ERC1: variants seen among roughly 807,000 people sequenced by gnomAD.
ERC1 encodes ELKS/RAB6-interacting/CAST family member 1, also known as RAB6 interacting protein 2.
Under a neutral mutation model 132.0 loss-of-function variants are expected in ERC1, and 56 were observed. That is an observed-to-expected ratio of 0.42 (90% CI 0.34 to 0.53). The LOEUF is 0.53. ERC1 is among the 20% of genes least tolerant of loss of function. ERC1 has a pLI of 0.03. For missense variants in ERC1, 1,202 were observed against 1,349.9 expected, an observed-to-expected ratio of 0.89 and a Z score of 1.72; for synonymous variants, 478 against 476.1, an observed-to-expected ratio of 1.00 and a Z score of -0.05.
At chr12:1,295,160 A>G (rs1216734481) in intron 15 of ERC1, among the ~76,000 whole-genome samples, 1 of 152,238 alleles carries the variant, frequency 6.6e-6, no homozygotes, top group Non-Finnish European at 1.5e-5. Context: ...CTTGCAAAGC[A>G]TGACATTTAC....
At chr12:1,418,581 CTTTCTTTCTCTTTCTTTCTTTCTTTCTT>C (rs1393099612) in intron 17 of ERC1, among the ~76,000 whole-genome samples, 1 of 102,336 alleles carries the variant, frequency 9.8e-6, no homozygotes, top group South Asian at 2.7e-4. Flanking sequence ...TTCTTTCTTT[CTTTCTTTCTCTTTCTTTCTTTCTTTCTT>C]TCTTTCTTTC....
intron 15 of ERC1, among the ~76,000 whole-genome samples, chr12:1,349,439 A>C (rs1465981340): frequency 1.3e-5 from 2 of 152,154 alleles, no homozygotes; most frequent in Non-Finnish European, 2.9e-5. Flanking sequence ...CGAGGCGGGC[A>C]GATCATGAGA....
At chr12:1,450,269 G>A (rs552970202) in intron 18 of ERC1, among the ~76,000 whole-genome samples, 18 of 152,112 alleles carry the variant, frequency 1.2e-4, no homozygotes, top group Non-Finnish European at 2.1e-4. Flanking sequence ...ATCTATCTCT[G>A]TAGCTCTTTT....
intron 4 of ERC1, among the ~76,000 whole-genome samples, chr12:1,106,822 C>T (rs1945317426): frequency 6.6e-6 from 1 of 152,148 alleles, no homozygotes; most frequent in Admixed American, 6.5e-5. Flanking sequence ...AATAGTATTA[C>T]TTGGTGGCAA....
intron 17 of ERC1, among the ~76,000 whole-genome samples, chr12:1,433,978 CAAAAAAAAA>C (rs763612916): frequency 4.3e-5 from 2 of 46,312 alleles, no homozygotes; most frequent in South Asian, 1.6e-3. Context: ...GACCCTGTCT[CAAAAAAAAA>C]AAAAAAAAAA....
intron 16 of ERC1, among the ~76,000 whole-genome samples, chr12:1,381,932 G>C (rs763964064): frequency 1.4e-5 from 2 of 146,614 alleles, no homozygotes; most frequent in Non-Finnish European, 1.5e-5. Flanking sequence ...GGAGCAGAGA[G>C]AAAGAGAAAG....
intron 15 of ERC1, among the ~76,000 whole-genome samples, chr12:1,292,706 T>A (rs2079539743): frequency 1.3e-5 from 2 of 152,146 alleles, no homozygotes; most frequent in South Asian, 4.1e-4. Flanking sequence ...AGAGTACAAT[T>A]GTGATTAAGA....
At chr12:1,101,154 A>C (rs1198678501) in intron 3 of ERC1, among the ~76,000 whole-genome samples, 1 of 152,136 alleles carries the variant, frequency 6.6e-6, no homozygotes, top group African/African-American at 2.4e-5. Flanking sequence ...TATTTTTCCT[A>C]TTAAAGCTTC....
chr12:1,487,732 A>G, intron 18 of ERC1, among the ~76,000 whole-genome samples: 1 of 144,786 alleles, frequency 6.9e-6, no homozygotes, highest in Non-Finnish European at 1.5e-5. Flanking sequence ...TAATAGAAAG[A>G]GAGAGAGAGG....
chr12:1,317,130 C>T (rs1327920570), intron 15 of ERC1, among the ~76,000 whole-genome samples: 3 of 150,294 alleles, frequency 2.0e-5, no homozygotes, highest in African/African-American at 7.4e-5. Flanking sequence ...CATTGCACTC[C>T]ACCCTGGGCA....
chr12:995,094 TCA>T (rs1565736121), intron 1 of ERC1, among the ~76,000 whole-genome samples: 6 of 134,448 alleles, frequency 4.5e-5, no homozygotes, highest in Non-Finnish European at 6.4e-5. Context: ...AGACTCTGTC[TCA>T]AAAAAAAAAA....
chr12:1,452,668 T>C (rs1184754884), intron 18 of ERC1, among the ~76,000 whole-genome samples: 2 of 152,256 alleles, frequency 1.3e-5, no homozygotes, highest in Non-Finnish European at 2.9e-5. Context: ...CTGTTATTAG[T>C]TTGGATAATT....
intron 7 of ERC1, among the ~76,000 whole-genome samples, chr12:1,119,002 G>A (rs1414143526): frequency 6.6e-6 from 1 of 152,088 alleles, no homozygotes; most frequent in East Asian, 1.9e-4. Flanking sequence ...TCAGCCTCCT[G>A]AGTAGCCAAG....
chr12:1,134,414 AT>A, intron 7 of ERC1, among the ~76,000 whole-genome samples: 1 of 151,314 alleles, frequency 6.6e-6, no homozygotes, highest in African/African-American at 2.4e-5. Context: ...TGGTGTGATC[AT>A]AGCTCACTGC....
intron 16 of ERC1, among the ~76,000 whole-genome samples, chr12:1,384,273 A>G (rs777654604): frequency 6.6e-6 from 1 of 152,240 alleles, no homozygotes; most frequent in Non-Finnish European, 1.5e-5. Context: ...TTGTATTAAA[A>G]AGATGTCTTC....
chr12:1,436,158 A>G lies in ERC1; in HGVS notation c.3025-8404A>G, dbSNP rs879538896. ...CCCTTCCATGTACAGACAGACGGAC[A>G]CACACACACACACACACACACACGT... On this transcript the variant is annotated intron_variant, in intron 17 of 18. Transcript: ENST00000360905. Among the ~76,000 whole-genome samples the G allele has an allele frequency of 3.7e-3, 453 of 123,816 alleles. 3 individuals carry two copies. The highest frequency in any genetic ancestry group is 3.7e-3 in the Admixed American group (49 of 13,412). The allele number at this position is 123,816 out of a possible 152,430, so 81.2% of individuals were successfully genotyped here. A position where few individuals can be genotyped will look rare whatever the true frequency, so the allele number is the denominator to read the frequency against.
chr12:1,389,554 A>C (rs765501188), intron 16 of ERC1, among the ~76,000 whole-genome samples: 18 of 152,214 alleles, frequency 1.2e-4, no homozygotes, highest in Non-Finnish European at 2.4e-4. Context: ...AGGAGTTTTT[A>C]TGCAGTTCTA....
intron 18 of ERC1, among the ~76,000 whole-genome samples, chr12:1,483,987 C>T (rs1336195124): frequency 6.6e-6 from 1 of 151,652 alleles, no homozygotes; most frequent in East Asian, 2.0e-4. Context: ...AGCCGCTGCG[C>T]CCAGCTTCAA....
In ERC1 at chr12:1,371,631, G is replaced by A. The variant is rs191878097; in HGVS notation, c.2781-202G>A. Among the ~76,000 whole-genome samples the A allele has an allele frequency of 2.7e-4, 38 of 141,146 alleles. 1 individual carries two copies. The highest frequency in any genetic ancestry group is 3.8e-3 in the Middle Eastern group (1 of 266). 92.6% of individuals were successfully genotyped at this position (141,146 alleles called of 152,430 possible). On this transcript the variant is annotated intron_variant, in intron 15 of 18. Transcript: ENST00000360905. Reference sequence around the variant, plus strand: ...GGAAGGGGTGAATGATGCTGTTGGCGTTTGCTTTCTTGGTTTTATTACCCT... The same window carrying A: ...GGAAGGGGTGAATGATGCTGTTGGCATTTGCTTTCTTGGTTTTATTACCCT...
Sources: gnomAD v4.1 joint callset for allele counts (sites outside exome capture counted in the v4.1 genomes callset) on GRCh38, gnomAD v4.1.1 for gene constraint, MANE v1.5 for transcripts, NCBI Gene and HGNC (gene_info 2026-07-23, HGNC 2026-07-21) for gene names.